MAGT1: variants seen among roughly 807,000 people sequenced by gnomAD.
The protein encoded by MAGT1 is magnesium transporter 1, also known as dolichyl-diphosphooligosaccharide--protein glycosyltransferase subunit MAGT1.
A neutral mutation model predicts 28.4 loss-of-function variants in MAGT1; 4 were observed. The observed-to-expected ratio is 0.14, with a 90% CI of 0.07 to 0.32. The LOEUF (loss-of-function observed/expected upper bound fraction) is 0.32, where lower values mean the gene tolerates loss of function less well. Ranked by LOEUF, MAGT1 falls within the 10% of genes least tolerant of loss-of-function variation. MAGT1 has a pLI of 1.00. For synonymous variants in MAGT1, 89 were observed against 89.7 expected (o/e 0.99, Z 0.04); for missense variants, 193 against 264.5 (o/e 0.73, Z 1.88).
At chrX:77,893,301 G>T in intron 1 of MAGT1, among the ~76,000 whole-genome samples, 1 of 111,887 alleles carries the variant, frequency 8.9e-6, no homozygotes. Flanking sequence ...TGAATGAAAG[G>T]GTGGGGTAAG....
Position 77,856,718 on chromosome X carries a change from C to T in MAGT1, c.672+15G>A. On this transcript the variant is annotated intron_variant, in intron 5 of 9. Transcript: ENST00000618282. ...TTTTATTCAAATAATTTTTTGTCTT[C>T]TGAAATTCACTCACCAAAGCTGCAA... The T allele has an allele frequency of 8.3e-7, 1 of 1,204,671 alleles. No individual in the cohort carries two copies. Among genetic ancestry groups the T allele is most frequent in the Non-Finnish European group, 1.1e-6 (1 of 890,215 alleles).
chrX:77,863,740 A>G (rs781844739), intron 3 of MAGT1, among the ~76,000 whole-genome samples: 7 of 112,222 alleles, frequency 6.2e-5, no homozygotes, highest in African/African-American at 2.3e-4. Context: ...GTATTAGGCC[A>G]GGCGCAGTGG....
chrX:77,838,477 C>T (rs2076926068), intron 8 of MAGT1, among the ~76,000 whole-genome samples: 1 of 105,665 alleles, frequency 9.5e-6, no homozygotes, highest in Non-Finnish European at 2.0e-5. Context: ...AAAAAATGTC[C>T]AGCTGAGCAC....
chrX:77,888,771 C>T (rs368964294), intron 1 of MAGT1, among the ~76,000 whole-genome samples: 1 of 110,731 alleles, frequency 9.0e-6, no homozygotes, highest in East Asian at 2.8e-4. Context: ...TCCCCAAAAG[C>T]ATGTTTCTTA....
intron 6 of MAGT1, among the ~76,000 whole-genome samples, chrX:77,854,735 C>T (rs782620111): frequency 2.9e-4 from 32 of 110,377 alleles, no homozygotes; most frequent in Non-Finnish European, 5.9e-4. Flanking sequence ...CTGCCTCAGC[C>T]TCCCAAGTAG....
At chrX:77,871,060 G>C (rs1557217297) in intron 2 of MAGT1, 135 bp from the exon 3 acceptor site, 2 of 520,486 alleles carry the variant, frequency 3.8e-6, no homozygotes, top group Non-Finnish European at 6.9e-6. Context: ...ACACTGACAA[G>C]TAGGTCAGAC....
chrX:77,844,646 G>A (rs1317167278), intron 7 of MAGT1, among the ~76,000 whole-genome samples: 5 of 111,163 alleles, frequency 4.5e-5, no homozygotes, highest in African/African-American at 1.6e-4. Flanking sequence ...GGTATGTTGT[G>A]TCTTTGTTCT....
At chrX:77,838,872 C>A (rs1324074471) in intron 8 of MAGT1, among the ~76,000 whole-genome samples, 1 of 110,187 alleles carries the variant, frequency 9.1e-6, no homozygotes, top group Admixed American at 9.8e-5. Context: ...ACACAAATGA[C>A]TAGTAAACAT....
At chrX:77,873,653 C>A (rs1882364908) in intron 2 of MAGT1, among the ~76,000 whole-genome samples, 1 of 111,528 alleles carries the variant, frequency 9.0e-6, no homozygotes, top group African/African-American at 3.3e-5. Flanking sequence ...CCAAGGTTTA[C>A]AATCACTATA....
chrX:77,890,514 T>TA (rs2077079343), intron 1 of MAGT1, among the ~76,000 whole-genome samples: 1 of 112,122 alleles, frequency 8.9e-6, no homozygotes. Flanking sequence ...CAACTGCTAC[T>TA]AAGCCTGTTT....
chrX:77,841,462 G>A (rs1231639180), intron 7 of MAGT1, 142 bp from the exon 8 acceptor site: 14 of 460,990 alleles, frequency 3.0e-5, no homozygotes, highest in South Asian at 2.1e-4. Context: ...AAGGAATCTT[G>A]TATCTATACG....
At chrX:77,860,330 C>T (rs185645278) in intron 3 of MAGT1, among the ~76,000 whole-genome samples, 6 of 110,405 alleles carry the variant, frequency 5.4e-5, no homozygotes, top group Non-Finnish European at 7.6e-5. Flanking sequence ...TCAAGTGATC[C>T]GCCTGCCTCA....
At chrX:77,873,201 T>C (rs782721767) in intron 2 of MAGT1, among the ~76,000 whole-genome samples, 18 of 111,929 alleles carry the variant, frequency 1.6e-4, no homozygotes, top group Non-Finnish European at 3.2e-4. Flanking sequence ...ATTCAGCACA[T>C]ACTCCACAAA....
intron 3 of MAGT1, among the ~76,000 whole-genome samples, chrX:77,862,491 C>A (rs1287171806): frequency 9.0e-6 from 1 of 110,506 alleles, no homozygotes; most frequent in Non-Finnish European, 1.9e-5. Flanking sequence ...ACAAAAAATT[C>A]AAACAACTCT....
At chrX:77,843,983 C>T (rs1247823155) in intron 7 of MAGT1, among the ~76,000 whole-genome samples, 3 of 111,586 alleles carry the variant, frequency 2.7e-5, no homozygotes, top group Non-Finnish European at 5.6e-5. Flanking sequence ...AGGAGGATTC[C>T]CTCTTTTTCT....
At chrX:77,836,171 G>A (rs1158822089) in intron 8 of MAGT1, among the ~76,000 whole-genome samples, 1 of 110,883 alleles carries the variant, frequency 9.0e-6, no homozygotes, top group African/African-American at 3.3e-5. Context: ...TTATTTGTGG[G>A]ATCAAAAAAT....
At chrX:77,883,536 C>CT (rs1359972438) in intron 1 of MAGT1, among the ~76,000 whole-genome samples, 1 of 102,192 alleles carries the variant, frequency 9.8e-6, no homozygotes, top group African/African-American at 3.6e-5. Flanking sequence ...AATTAGATTA[C>CT]TTCCTGAATT....
At chrX:77,869,723 A>C (rs939624835) in intron 3 of MAGT1, among the ~76,000 whole-genome samples, 26 of 110,761 alleles carry the variant, frequency 2.3e-4, no homozygotes, top group East Asian at 8.4e-4. Flanking sequence ...AAAAAAAAAA[A>C]CACAAAAAAC....
In MAGT1 at chrX:77,895,381, G is replaced by C. The variant is rs1557219819; in HGVS notation, c.30C>G (p.Val10=). 3.3e-6 allele frequency: 4 copies of C among 1,212,141 alleles called. No homozygotes were observed. ...GCAGCGCCACCACCATGGTCACAGA[G>C]ACACACCAAAACCGCCAACGCGCTG... MAARWRFWC[V]SVTMVVALLI... The change falls in exon 1 of 10, where the codon GTC becomes GTG. Residue 10 remains valine (V), a synonymous_variant. Coordinates refer to ENST00000618282, the MANE Select transcript of MAGT1 (RefSeq NM_001367916.1).
Sources: allele counts gnomAD v4.1 joint callset (sites outside exome capture counted in the v4.1 genomes callset), GRCh38; gene constraint gnomAD v4.1.1; transcripts MANE v1.5; gene names NCBI Gene and HGNC (gene_info 2026-07-23, HGNC 2026-07-21).